Variants in PKHD1 observed in about 807,000 individuals in gnomAD.
The protein encoded by PKHD1 is fibrocystin.
A neutral mutation model predicts 412.0 loss-of-function variants in PKHD1; 291 were observed. That is an observed-to-expected ratio of 0.71 (90% CI 0.64 to 0.78). PKHD1 has a LOEUF of 0.78. Among genes scored for constraint, PKHD1 ranks in the 30% least tolerant of loss-of-function variants. The pLI is 0.00. For synonymous variants in PKHD1, 1,777 were observed against 1,821.5 expected (o/e 0.98, Z 0.62); for missense variants, 4,825 against 4,950.7 (o/e 0.97, Z 0.76).
intron 35 of PKHD1, among the ~76,000 whole-genome samples, chr6:52,008,478 A>G (rs1799369766): frequency 6.6e-6 from 1 of 152,150 alleles, no homozygotes; most frequent in South Asian, 2.1e-4. Flanking sequence ...CATGGTTGGA[A>G]CTCAAATGTA....
chr6:52,034,283 TA>T lies in PKHD1; in HGVS notation c.3229-1119del, dbSNP rs1440345558. 4.7e-5 allele frequency among the ~76,000 whole-genome samples: 7 copies of T among 149,582 alleles called. 1 individual carries two copies. In the Admixed American group the frequency reaches 4.7e-4, roughly 10 times the overall value. On this transcript the variant is annotated intron_variant, in intron 28 of 66. Transcript: ENST00000371117. ...ATAAACAGGTTTTATTAATTTAAGA[TA>T]AAAATGGTATTGTAACTATATTTGA...
chr6:51,925,348 T>G (rs939171533), intron 37 of PKHD1, among the ~76,000 whole-genome samples: 17 of 152,182 alleles, frequency 1.1e-4, no homozygotes, highest in African/African-American at 3.4e-4. Context: ...GTTATGAGGT[T>G]TGCTTTGGTG....
chr6:51,982,204 C>T (rs1795482877), intron 35 of PKHD1, among the ~76,000 whole-genome samples: 4 of 36,160 alleles, frequency 1.1e-4, no homozygotes, highest in Admixed American at 4.0e-4. Flanking sequence ...CAGCCCCCCG[C>T]CCGGCCAGCC....
At position 52,064,970 on chromosome 6, in the gene PKHD1, T is replaced by C. The variant is rs2128221798; in HGVS notation, c.961A>G (p.Thr321Ala). 3.1e-6 allele frequency: 5 copies of C among 1,597,896 alleles called. No homozygotes were observed. Among genetic ancestry groups the C allele is most frequent in the Non-Finnish European group, 4.3e-6 (5 of 1,171,596 alleles). The change falls in exon 13 of 67, where the codon ACC becomes GCC. Residue 321 changes from threonine (T) to alanine (A), a missense_variant. Physicochemically the swap from Thr to Ala is moderately conservative, Grantham distance 58. Coordinates refer to ENST00000371117, the MANE Select transcript of PKHD1 (RefSeq NM_138694.4). Reference protein sequence around the residue: ...TRAPGKDVRLTTPQPGNRGLL... With the variant: ...TRAPGKDVRLATPQPGNRGLL... Reference sequence around the variant, plus strand: ...GCTTCCTTACCTGGCTGAGGGGTGGTGAGCCTCACATCTTTTCCTGGAGCC... The same window carrying C: ...GCTTCCTTACCTGGCTGAGGGGTGGCGAGCCTCACATCTTTTCCTGGAGCC...
chr6:51,671,321 G>T (rs140012357), intron 60 of PKHD1, among the ~76,000 whole-genome samples: 4 of 152,150 alleles, frequency 2.6e-5, no homozygotes, highest in East Asian at 3.9e-4. Flanking sequence ...CTGATACCCT[G>T]TCTTCCAGTT....
chr6:51,840,006 T>C (rs1353835166), intron 50 of PKHD1, among the ~76,000 whole-genome samples: 1 of 152,040 alleles, frequency 6.6e-6, no homozygotes, highest in Admixed American at 6.6e-5. Context: ...TGCTGGCTGT[T>C]GGCTCTCTCT....
At chr6:51,739,394 C>T (rs1295751847) in intron 60 of PKHD1, among the ~76,000 whole-genome samples, 2 of 151,984 alleles carry the variant, frequency 1.3e-5, no homozygotes, top group African/African-American at 4.8e-5. Flanking sequence ...TCATACCTGG[C>T]TAATTTTTCT....
chr6:51,720,477 C>T (rs62461301), intron 60 of PKHD1, among the ~76,000 whole-genome samples: 69 of 152,252 alleles, frequency 4.5e-4, no homozygotes, highest in Non-Finnish European at 8.1e-4. Flanking sequence ...GGTTTCCACA[C>T]AGACTGCTCA....
At chr6:51,905,444 A>G (rs1233403178) in intron 41 of PKHD1, among the ~76,000 whole-genome samples, 2 of 152,178 alleles carry the variant, frequency 1.3e-5, no homozygotes, top group Admixed American at 6.6e-5. Flanking sequence ...GGGAGAGAGA[A>G]TGTTGCAAGA....
chr6:52,012,682 T>G lies in PKHD1; in HGVS notation c.5601-2223A>C, dbSNP rs1231284942. Among the ~76,000 whole-genome samples the G allele has an allele frequency of 2.0e-5, 3 of 152,360 alleles. No individual in the cohort carries two copies. The East Asian group carries it at 5.8e-4, about 29-fold the overall frequency. On this transcript the variant is annotated intron_variant, in intron 34 of 66. Coordinates refer to ENST00000371117, the MANE Select transcript of PKHD1 (RefSeq NM_138694.4). Reference sequence around the variant, plus strand: ...ACCTCACTTCAGAGCAACTTGAGGCTTGCATCAGGCCACTTTGGGCTTTGC... The same window carrying G: ...ACCTCACTTCAGAGCAACTTGAGGCGTGCATCAGGCCACTTTGGGCTTTGC...
At chr6:51,907,534 T>C (rs574688829) in intron 40 of PKHD1, among the ~76,000 whole-genome samples, 65 of 152,314 alleles carry the variant, frequency 4.3e-4, no homozygotes, top group African/African-American at 1.5e-3. Context: ...CTTATGTGTT[T>C]GTGTAGCTCT....
chr6:51,865,085 TG>T (rs1774840680), intron 48 of PKHD1, among the ~76,000 whole-genome samples: 1 of 152,268 alleles, frequency 6.6e-6, no homozygotes, highest in Admixed American at 6.5e-5. Context: ...ACACTACCCC[TG>T]TCTCACCAGG....
At chr6:51,624,064 T>A (rs1766953187) in intron 66 of PKHD1, among the ~76,000 whole-genome samples, 2 of 152,244 alleles carry the variant, frequency 1.3e-5, no homozygotes, top group Admixed American at 6.5e-5. Flanking sequence ...CTTTTTTAAT[T>A]TTTTTTAAGA....
chr6:51,932,949 C>T (rs1048620419), intron 37 of PKHD1, among the ~76,000 whole-genome samples: 2 of 152,188 alleles, frequency 1.3e-5, no homozygotes, highest in Admixed American at 1.3e-4. Flanking sequence ...TTCCTCAGCA[C>T]AGCTCCATGC....
rs1329632778 is a variant in PKHD1 at position 51,831,047 on chromosome 6, A to C, written c.8174-58T>G. The C allele has an allele frequency of 5.8e-6, 8 of 1,368,402 alleles. No individual in the cohort carries two copies. In the African/African-American group the frequency reaches 8.6e-5, roughly 15 times the overall value. The allele number at this position is 1,368,402 out of a possible 1,614,324, so 84.8% of individuals were successfully genotyped here. Reference sequence around the variant, plus strand: ...TCCATTGTGATAACTTCCAAATTCTATCCTTATTTTAGGATGCTAGTGGTA... The same window carrying C: ...TCCATTGTGATAACTTCCAAATTCTCTCCTTATTTTAGGATGCTAGTGGTA... On this transcript the variant is annotated intron_variant, in intron 51 of 66. Transcript: ENST00000371117.
Position 52,025,076 on chromosome 6 carries a change from AT to A in PKHD1, c.4733del (p.Tyr1578PhefsTer14), listed in dbSNP as rs727504087. ...HFYIMPQVFH[Y>X]FPKNFSLHGG... ...CATGTAAGCTGAAATTCTTAGGAAA[AT>A]AATGAAACACTTGGGGCATAATGTA... is the stretch of plus-strand genomic sequence containing the variant. On this transcript the variant is annotated frameshift_variant, in exon 32 of 67. Coordinates refer to ENST00000371117, the MANE Select transcript of PKHD1 (RefSeq NM_138694.4). LOFTEE classifies it high-confidence loss of function. The A allele has an allele frequency of 1.2e-6, 2 of 1,614,198 alleles. No homozygotes were observed. Among genetic ancestry groups the A allele is most frequent in the South Asian group, 2.2e-5 (2 of 91,082 alleles).
chr6:51,742,154 T>C (rs1191919716), intron 60 of PKHD1, among the ~76,000 whole-genome samples: 1 of 152,202 alleles, frequency 6.6e-6, no homozygotes, highest in Non-Finnish European at 1.5e-5. Flanking sequence ...ACATATTTTC[T>C]CAGTATAAAT....
intron 42 of PKHD1, 109 bp from the exon 43 acceptor site, chr6:51,903,836 T>C (rs1781657004): frequency 8.4e-6 from 1 of 118,976 alleles, no homozygotes; most frequent in Non-Finnish European, 1.4e-5. Context: ...GCATTTCATA[T>C]ATATATATAT....
intron 52 of PKHD1, among the ~76,000 whole-genome samples, chr6:51,827,874 C>T (rs6923773): frequency 0.44 from 66,960 of 151,464 alleles, 15,829 homozygotes; most frequent in Middle Eastern, 0.61. Flanking sequence ...ACAACTACAT[C>T]TGCTACCAGA....
Sources: gnomAD v4.1 joint callset for allele counts (sites outside exome capture counted in the v4.1 genomes callset) on GRCh38, gnomAD v4.1.1 for gene constraint, MANE v1.5 for transcripts, NCBI Gene and HGNC (gene_info 2026-07-23, HGNC 2026-07-21) for gene names.